Variants in TMEM163 observed in about 807,000 individuals in gnomAD.
TMEM163 encodes transmembrane protein 163.
A neutral mutation model predicts 29.3 loss-of-function variants in TMEM163; 17 were observed. That is an observed-to-expected ratio of 0.58 (90% CI 0.40 to 0.87). TMEM163 has a LOEUF of 0.87. TMEM163 is among the 40% of genes least tolerant of loss of function. The pLI, the probability that TMEM163 is intolerant of heterozygous loss-of-function variation, is 0.00. For synonymous variants in TMEM163, 157 were observed against 160.6 expected (o/e 0.98, Z 0.17); for missense variants, 303 against 381.5 (o/e 0.79, Z 1.71).
At chr2:134,499,607 C>T (rs1000854171) in intron 5 of TMEM163, among the ~76,000 whole-genome samples, 1 of 152,228 alleles carries the variant, frequency 6.6e-6, no homozygotes, top group Non-Finnish European at 1.5e-5. Context: ...ATTCCAATTG[C>T]ACAGCTCTCT....
intron 5 of TMEM163, among the ~76,000 whole-genome samples, chr2:134,499,205 C>T (rs1449561012): frequency 6.6e-6 from 1 of 152,172 alleles, no homozygotes; most frequent in African/African-American, 2.4e-5. Flanking sequence ...AAAAAAGATG[C>T]AGTCGGGGAG....
chr2:134,561,264 C>T (rs1038462823), intron 2 of TMEM163, among the ~76,000 whole-genome samples: 13 of 152,214 alleles, frequency 8.5e-5, no homozygotes, highest in African/African-American at 2.7e-4. Flanking sequence ...AGCGCAGTGA[C>T]GCCATCTTGG....
At chr2:134,668,635 AAAAAG>A (rs1380497961) in intron 2 of TMEM163, among the ~76,000 whole-genome samples, 1 of 151,976 alleles carries the variant, frequency 6.6e-6, no homozygotes, top group East Asian at 1.9e-4. Flanking sequence ...CAAAAAAAAA[AAAAAG>A]AAAAGAAAAG....
intron 2 of TMEM163, among the ~76,000 whole-genome samples, chr2:134,590,706 G>A (rs576217001): frequency 1.3e-5 from 2 of 152,232 alleles, no homozygotes; most frequent in Admixed American, 6.5e-5. Flanking sequence ...TGCTAAACAA[G>A]GGGTGAATTA....
At chr2:134,560,990 A>G (rs1003259681) in intron 2 of TMEM163, among the ~76,000 whole-genome samples, 5 of 152,208 alleles carry the variant, frequency 3.3e-5, no homozygotes, top group African/African-American at 1.2e-4. Flanking sequence ...AAACTTCCTC[A>G]ACACCACAGC....
At chr2:134,501,860 T>C (rs954676895) in intron 5 of TMEM163, among the ~76,000 whole-genome samples, 3 of 152,168 alleles carry the variant, frequency 2.0e-5, no homozygotes, top group Admixed American at 2.0e-4. Context: ...CACTGAGATG[T>C]TAGAGAGTAA....
At chr2:134,533,923 C>A (rs1006866244) in intron 4 of TMEM163, among the ~76,000 whole-genome samples, 1 of 152,166 alleles carries the variant, frequency 6.6e-6, no homozygotes, top group Non-Finnish European at 1.5e-5. Context: ...GTTGAAGTTT[C>A]ACCAAAGGTT....
At chr2:134,502,655 A>T (rs1181436796) in intron 5 of TMEM163, among the ~76,000 whole-genome samples, 12 of 152,230 alleles carry the variant, frequency 7.9e-5, no homozygotes, top group African/African-American at 2.7e-4. Context: ...CTTTAAAAAT[A>T]GTGAAAATAG....
At chr2:134,556,092 T>C (rs1286288428) in intron 2 of TMEM163, among the ~76,000 whole-genome samples, 2 of 152,184 alleles carry the variant, frequency 1.3e-5, no homozygotes, top group African/African-American at 4.8e-5. Context: ...CAGGTAGTGA[T>C]TTGAACATAA....
chr2:134,519,478 G>A (rs533801682), intron 4 of TMEM163, among the ~76,000 whole-genome samples: 2 of 152,130 alleles, frequency 1.3e-5, no homozygotes, highest in African/African-American at 4.8e-5. Flanking sequence ...TTAGGAGGCC[G>A]AGGCGGGCAG....
chr2:134,490,668 G>A (rs1337536496), intron 5 of TMEM163, among the ~76,000 whole-genome samples: 1 of 152,066 alleles, frequency 6.6e-6, no homozygotes, highest in African/African-American at 2.4e-5. Flanking sequence ...TAACAACTTT[G>A]GTAACAAATA....
intron 2 of TMEM163, among the ~76,000 whole-genome samples, chr2:134,661,567 C>T (rs542742942): frequency 1.3e-5 from 2 of 152,290 alleles, no homozygotes; most frequent in East Asian, 1.9e-4. Context: ...GGCTTTTAAA[C>T]GTTATGGTTG....
At chr2:134,607,835 AC>A in intron 2 of TMEM163, among the ~76,000 whole-genome samples, 1 of 44,872 alleles carries the variant, frequency 2.2e-5, no homozygotes, top group African/African-American at 1.4e-4. Flanking sequence ...GGTGAAAAGG[AC>A]AGACCCCGAG....
chr2:134,595,028 T>C (rs1367930495), intron 2 of TMEM163, among the ~76,000 whole-genome samples: 1 of 152,140 alleles, frequency 6.6e-6, no homozygotes, highest in African/African-American at 2.4e-5. Context: ...TTGGTGCATA[T>C]TCTGAATGAG....
In TMEM163 at chr2:134,460,078, C is replaced by CA. The variant is rs60873977; in HGVS notation, c.668-1906_668-1905insT. ...CTCGAGCCCCTTGCCAGATGTTACC[C>CA]CCCCCCAAATTCATTCTCACTCTCC... On this transcript the variant is annotated intron_variant, in intron 6 of 7. Transcript: ENST00000281924. This position sits in a 1 kb window ranked among gnomAD's most constrained non-coding sequence, Gnocchi z 4.3. Among the ~76,000 whole-genome samples the CA allele has an allele frequency of 2.1e-5, 3 of 142,532 alleles. No individual in the cohort carries two copies. Among genetic ancestry groups the CA allele is most frequent in the African/African-American group, 5.4e-5 (2 of 36,772 alleles). 93.5% of individuals were successfully genotyped at this position (142,532 alleles called of 152,430 possible).
At chr2:134,711,179 A>G (rs1302330210) in intron 2 of TMEM163, among the ~76,000 whole-genome samples, 1 of 152,242 alleles carries the variant, frequency 6.6e-6, no homozygotes, top group African/African-American at 2.4e-5. Flanking sequence ...GTCTGGCGCC[A>G]TATAAATGAT....
chr2:134,570,386 G>A (rs747987027), intron 2 of TMEM163, among the ~76,000 whole-genome samples: 1 of 152,044 alleles, frequency 6.6e-6, no homozygotes. Context: ...TGACAATCAG[G>A]TTCAGCACTA....
At chr2:134,640,360 A>G (rs950997607) in intron 2 of TMEM163, among the ~76,000 whole-genome samples, 4 of 152,146 alleles carry the variant, frequency 2.6e-5, no homozygotes, top group African/African-American at 9.7e-5. Flanking sequence ...CATCAATCCC[A>G]AAAAAGAAAA....
chr2:134,699,643 A>C (rs72972250), intron 2 of TMEM163, among the ~76,000 whole-genome samples: 9,447 of 152,232 alleles, frequency 0.062, 986 homozygotes, highest in African/African-American at 0.21. Flanking sequence ...ACTGAATTCC[A>C]CAAGTCAAAT....
Sources: allele counts gnomAD v4.1 joint callset (sites outside exome capture counted in the v4.1 genomes callset), GRCh38; gene constraint gnomAD v4.1.1; non-coding constraint Gnocchi (gnomAD v3.1); transcripts MANE v1.5; gene names NCBI Gene and HGNC (gene_info 2026-07-23, HGNC 2026-07-21).